PSG1: variants seen among roughly 807,000 people sequenced by gnomAD.
PSG1 encodes pregnancy-specific beta-1-glycoprotein 1.
In PSG1, 60 loss-of-function variants were observed where a neutral mutation model predicts 41.4. That is an observed-to-expected ratio of 1.45 (90% confidence interval 1.18 to 1.80). PSG1 has a LOEUF of 1.80. Among genes scored for constraint, PSG1 ranks in the 40% most tolerant of loss-of-function variants. The pLI, the probability that PSG1 is intolerant of heterozygous loss-of-function variation, is 0.00. For missense variants in PSG1, 806 were observed against 516.9 expected, an observed-to-expected ratio of 1.56 and a Z score of -5.42; for synonymous variants, 256 against 192.9, an observed-to-expected ratio of 1.33 and a Z score of -2.71.
rs370543112 is a variant in PSG1, at chr19:42,877,992, T to A, written c.351A>T (p.Ala117=). The A allele has an allele frequency of 1.3e-4, 210 of 1,612,380 alleles. 2 individuals are homozygous for A. The highest frequency in any genetic ancestry group is 9.9e-4 in the Middle Eastern group (6 of 6,082). ...TTATGATGTGTAAGGTGTAGGATCC[T>A]GCGTCCTCCCGGGTGACATTCTGGA... ...LLIQNVTRED[A]GSYTLHIIKG... is the part of the protein sequence containing the mutation. The change falls in exon 2 of 6, where the codon GCA becomes GCT. Residue 117 remains alanine, a synonymous_variant. Transcript: ENST00000436291.
chr19:42,869,136 G>C, intron 3 of PSG1, 102 bp from the exon 4 acceptor site: 2 of 1,555,368 alleles, frequency 1.3e-6, no homozygotes, highest in Non-Finnish European at 1.7e-6. Context: ...CATTCCACCC[G>C]AGTCCTTGAA....
rs1362478601 is a variant in PSG1 at position 42,872,130 on chromosome 19, C to T, written c.431-85G>A. The T allele has an allele frequency of 5.3e-6, 8 of 1,522,114 alleles. No individual in the cohort carries two copies. The Admixed American group carries it at 1.4e-4, about 26-fold the overall frequency. 94.3% of individuals were successfully genotyped at this position (1,522,114 alleles called of 1,614,324 possible). A position where few individuals can be genotyped will look rare whatever the true frequency, so the allele number is the denominator to read the frequency against. ...TTTTTCAATCAGAATTGGCATTTCC[C>T]ACCTCTCAGCCCACCCAAGTCCTTA... On this transcript the variant is annotated intron_variant, in intron 2 of 5. Transcript: ENST00000436291.
chr19:42,870,934 T>C (rs1035868130), intron 3 of PSG1, among the ~76,000 whole-genome samples: 3 of 151,674 alleles, frequency 2.0e-5, no homozygotes, highest in Admixed American at 6.6e-5. Flanking sequence ...TAAAGAATGA[T>C]CTAGAAAGAG....
intron 3 of PSG1, 67 bp from the exon 4 acceptor site, chr19:42,869,101 A>G (rs1377777154): frequency 1.9e-6 from 3 of 1,588,872 alleles, no homozygotes; most frequent in Admixed American, 1.7e-5. Flanking sequence ...GTATCCTTCA[A>G]TCAGAGTTGG....
rs549637368 is a variant in PSG1, at chr19:42,875,935, C to G, written c.430+1978G>C. On this transcript the variant is annotated intron_variant, in intron 2 of 5. Coordinates refer to ENST00000436291, the MANE Select transcript of PSG1 (RefSeq NM_001184825.2). ...TGGTCTTGTCCACAGGTCAGCCTCA[C>G]AAAGGGAAAGAGCCCTGGATGGGAA... Among the ~76,000 whole-genome samples, 5 of 150,084 alleles carry G rather than the reference C, an allele frequency of 3.3e-5. 1 individual carries two copies. The highest frequency in any genetic ancestry group is 7.4e-5 in the Non-Finnish European group (5 of 67,594).
intron 2 of PSG1, among the ~76,000 whole-genome samples, 197 bp downstream of exon 2, chr19:42,877,716 G>A (rs1971669161): frequency 6.6e-6 from 1 of 151,700 alleles, no homozygotes; most frequent in African/African-American, 2.4e-5. Flanking sequence ...TGTCTGCAGG[G>A]TCTGGATGCA....
At chr19:42,870,487 G>A (rs1345064878) in intron 3 of PSG1, 1 of 151,480 alleles carries the variant, frequency 6.6e-6, no homozygotes, top group African/African-American at 2.4e-5. Flanking sequence ...GAAGGCCTTG[G>A]GATGTGAGAA....
rs749213672 is a variant in PSG1 at position 42,878,077 on chromosome 19, A to T, written c.266T>A (p.Ile89Asn). 1 of 1,612,270 alleles carries T rather than the reference A, an allele frequency of 6.2e-7. No homozygotes were observed. The highest frequency in any genetic ancestry group is 8.5e-7 in the Non-Finnish European group (1 of 1,179,126). ...ITSYVVDGEI[I>N]IYGPAYSGRE... Reference sequence around the variant, plus strand: ...TCCACTATATGCAGGCCCATATATAATTATTTCACCGTCTACTACATATGA... The same window carrying T: ...TCCACTATATGCAGGCCCATATATATTTATTTCACCGTCTACTACATATGA... The change falls in exon 2 of 6, where the codon ATT (isoleucine) becomes AAT (asparagine). Residue 89 changes from isoleucine to asparagine, a missense_variant. Ile to Asn is a moderately radical substitution (Grantham distance 149). Coordinates refer to ENST00000436291, the MANE Select transcript of PSG1 (RefSeq NM_001184825.2).
rs1254062683 is a variant in PSG1, at chr19:42,873,242, TA to T, written c.431-1198del. Among the ~76,000 whole-genome samples, 2 of 151,692 alleles carry T rather than the reference TA, an allele frequency of 1.3e-5. 1 individual carries two copies. The highest frequency in any genetic ancestry group is 4.2e-4 in the South Asian group (2 of 4,780). On this transcript the variant is annotated intron_variant, in intron 2 of 5. Transcript: ENST00000436291. ...AAACTAAGTGTTTTGGATGTCTAATTATTTTTTTATTTTGGAATATTTGCAG... is the reference window on the plus strand; with the variant it reads ...AAACTAAGTGTTTTGGATGTCTAATTTTTTTTTATTTTGGAATATTTGCAG...
chr19:42,872,984 A>G (rs938168896), intron 2 of PSG1, among the ~76,000 whole-genome samples: 1 of 151,670 alleles, frequency 6.6e-6, no homozygotes, highest in African/African-American at 2.4e-5. Flanking sequence ...CTCTCATTAG[A>G]CATTCTACTC....
chr19:42,867,425 A>C, intron 5 of PSG1: 2 of 577,196 alleles, frequency 3.5e-6, no homozygotes, highest in South Asian at 4.5e-5. Context: ...GGAATCTGAG[A>C]TTAAATCTTC....
chr19:42,876,582 G>A (rs749603764), intron 2 of PSG1, among the ~76,000 whole-genome samples: 1 of 151,496 alleles, frequency 6.6e-6, no homozygotes, highest in African/African-American at 2.4e-5. Context: ...CGCTGGGCCT[G>A]TGGTGGTGTA....
At chr19:42,873,445 T>C (rs1055035986) in intron 2 of PSG1, among the ~76,000 whole-genome samples, 1 of 151,604 alleles carries the variant, frequency 6.6e-6, no homozygotes, top group African/African-American at 2.4e-5. Flanking sequence ...TCCGTAAAAA[T>C]TTGTCAGGAG....
At chr19:42,879,157 C>CTT (rs58030325) in intron 1 of PSG1, among the ~76,000 whole-genome samples, 21,519 of 139,546 alleles carry the variant, frequency 0.15, 2,316 homozygotes, top group East Asian at 0.41. Context: ...TTTCTTTTTT[C>CTT]TTTTTTTTTT....
At position 42,870,222 on chromosome 19, in the gene PSG1, A is replaced by T. The variant is rs900754315; in HGVS notation, c.710-1188T>A. 25 of 151,806 alleles carry T rather than the reference A, an allele frequency of 1.6e-4. 1 individual carries two copies. The highest frequency in any genetic ancestry group is 5.9e-5 in the Non-Finnish European group (4 of 67,920). 9.4% of individuals were successfully genotyped at this position (151,806 alleles called of 1,614,324 possible). A position where few individuals can be genotyped will look rare whatever the true frequency, so the allele number is the denominator to read the frequency against. ...CTTATGCATAAGACTTAGGACAAAA[A>T]GTGTTTTGGATTTCTGACATTTTTT... On this transcript the variant is annotated intron_variant, in intron 3 of 5. Coordinates refer to ENST00000436291, the MANE Select transcript of PSG1 (RefSeq NM_001184825.2).
chr19:42,868,693 T>G, intron 4 of PSG1, 63 bp downstream of exon 4: 1 of 1,601,062 alleles, frequency 6.2e-7, no homozygotes, highest in Non-Finnish European at 8.5e-7. Context: ...CTGAGAGGCC[T>G]GGCATCTGGT....
chr19:42,866,849 G>T lies in PSG1; in HGVS notation c.*285C>A, dbSNP rs541341494. 11 of 625,442 alleles carry T rather than the reference G, an allele frequency of 1.8e-5. 1 individual carries two copies. Among genetic ancestry groups the T allele is most frequent in the African/African-American group, 1.5e-4 (8 of 54,896 alleles). 38.7% of individuals were successfully genotyped at this position (625,442 alleles called of 1,614,324 possible). ...GGCATGAGCAAGGACAGTTAAGAGG[G>T]GGGAGAGCCTCATCATGATGGGGAG... On this transcript the variant is annotated 3_prime_UTR_variant, in exon 6 of 6. Coordinates refer to ENST00000436291, the MANE Select transcript of PSG1 (RefSeq NM_001184825.2).
intron 2 of PSG1, 24 bp downstream of exon 2, chr19:42,877,889 C>T (rs774151620): frequency 1.2e-6 from 2 of 1,611,892 alleles, no homozygotes; most frequent in Non-Finnish European, 8.5e-7. Context: ...CCCCAACACC[C>T]AGGGATCATG....
chr19:42,878,121 G>C lies in PSG1; in HGVS notation c.222C>G (p.Asp74Glu), dbSNP rs1435963707. ...CATATGATGTAATGTAATGGTAGAG[G>C]TCCCTCATTTGCCCTTTGTACCAGA... ...GYIWYKGQMR[D>E]LYHYITSYVV... Residue 74 changes from aspartate to glutamate, a missense_variant, in exon 2 of 6, where the codon GAC (aspartate) becomes GAG (glutamate). By Grantham distance (45) the Asp-to-Glu change is conservative (BLOSUM62 2). Transcript: ENST00000436291. The C allele has an allele frequency of 6.2e-7, 1 of 1,612,256 alleles. No homozygotes were observed. The highest frequency in any genetic ancestry group is 1.7e-5 in the Admixed American group (1 of 59,838).
Sources: allele counts gnomAD v4.1 joint callset (sites outside exome capture counted in the v4.1 genomes callset), GRCh38; gene constraint gnomAD v4.1.1; transcripts MANE v1.5; gene names NCBI Gene and HGNC (gene_info 2026-07-23, HGNC 2026-07-21).